MARCHF8: variants seen among roughly 807,000 people sequenced by gnomAD.
MARCHF8 encodes the protein membrane associated ring-CH-type finger 8.
Under a neutral mutation model 51.6 loss-of-function variants are expected in MARCHF8, and 40 were observed. The observed-to-expected ratio is 0.77, with a 90% CI of 0.60 to 1.01. The LOEUF is 1.01. MARCHF8 is among the 50% of genes least tolerant of loss of function. The pLI is 0.00. For synonymous variants in MARCHF8, 263 were observed against 280.3 expected, an observed-to-expected ratio of 0.94 and a Z score of 0.62; for missense variants, 685 against 708.6, an observed-to-expected ratio of 0.97 and a Z score of 0.38.
intron 2 of MARCHF8, among the ~76,000 whole-genome samples, chr10:45,525,203 A>AT (rs2043771433): frequency 6.6e-6 from 1 of 152,190 alleles, no homozygotes; most frequent in African/African-American, 2.4e-5. Context: ...CAAATACGAA[A>AT]TTGTGTTTAC....
chr10:45,576,840 C>T (rs2044495089), intron 1 of MARCHF8, among the ~76,000 whole-genome samples: 1 of 151,266 alleles, frequency 6.6e-6, no homozygotes, highest in African/African-American at 2.4e-5. Flanking sequence ...CTTAAAAGTC[C>T]CAGCTACGCA....
intron 6 of MARCHF8, chr10:45,459,680 A>G (rs1842725393): frequency 4.1e-6 from 4 of 982,940 alleles, no homozygotes; most frequent in Non-Finnish European, 4.8e-6. Context: ...TGATGATGCC[A>G]CAACACACTA....
At chr10:45,498,057 TTGAA>T (rs1437567005) in intron 2 of MARCHF8, among the ~76,000 whole-genome samples, 1 of 152,214 alleles carries the variant, frequency 6.6e-6, no homozygotes, top group East Asian at 1.9e-4. Flanking sequence ...TGGTGAAAGA[TTGAA>T]TGCTTACTCC....
chr10:45,544,641 G>A (rs1264385961), intron 1 of MARCHF8, among the ~76,000 whole-genome samples: 3 of 152,250 alleles, frequency 2.0e-5, no homozygotes, highest in South Asian at 2.1e-4. Context: ...ATACAATTCC[G>A]TTTTTATAAA....
chr10:45,533,292 G>C lies in MARCHF8; in HGVS notation c.-78-3C>G. ...CATTTTGGGCCATGGATTTCAAGCT[G>C]AGAGAAAATGAAGAGAGAATAAACA... On this transcript the variant is annotated splice_region_variant and splice_polypyrimidine_tract_variant and intron_variant, in intron 1 of 7. Coordinates refer to ENST00000453424, the MANE Select transcript of MARCHF8 (RefSeq NM_001282866.2). 1 of 1,459,844 alleles carries C rather than the reference G, an allele frequency of 6.9e-7. No homozygotes were observed. Among genetic ancestry groups the C allele is most frequent in the Non-Finnish European group, 9.0e-7 (1 of 1,105,598 alleles). The allele number at this position is 1,459,844 out of a possible 1,614,324, so 90.4% of individuals were successfully genotyped here.
intron 3 of MARCHF8, among the ~76,000 whole-genome samples, chr10:45,484,028 T>C (rs568429386): frequency 1.3e-5 from 2 of 152,278 alleles, no homozygotes; most frequent in South Asian, 4.1e-4. Context: ...CAATATATTA[T>C]ATACTTCAAA....
At chr10:45,469,462 T>C (rs1273541193) in intron 3 of MARCHF8, among the ~76,000 whole-genome samples, 2 of 152,140 alleles carry the variant, frequency 1.3e-5, no homozygotes, top group Admixed American at 6.5e-5. Context: ...TTTTTAAAAG[T>C]ACAATAAAAT....
chr10:45,525,816 G>A (rs2043782619), intron 2 of MARCHF8, among the ~76,000 whole-genome samples: 1 of 152,152 alleles, frequency 6.6e-6, no homozygotes, highest in Non-Finnish European at 1.5e-5. Context: ...AATTCCCATA[G>A]AAGGACATTC....
chr10:45,576,505 C>A lies in MARCHF8; in HGVS notation c.-79+17730G>T, dbSNP rs928791675. Reference sequence around the variant, plus strand: ...AGGAAGATGCAAGAAGTACCACCCCCTCATGGTGTTAGAATAACACTGGTA... The same window carrying A: ...AGGAAGATGCAAGAAGTACCACCCCATCATGGTGTTAGAATAACACTGGTA... On this transcript the variant is annotated intron_variant, in intron 1 of 6. Transcript: ENST00000319836. Among the ~76,000 whole-genome samples, 8 of 152,236 alleles carry A rather than the reference C, an allele frequency of 5.3e-5. No individual in the cohort carries two copies. The South Asian group carries it at 1.7e-3, about 32-fold the overall frequency.
intron 2 of MARCHF8, among the ~76,000 whole-genome samples, chr10:45,511,747 T>C (rs1278670835): frequency 2.0e-5 from 3 of 152,060 alleles, no homozygotes; most frequent in African/African-American, 7.2e-5. Context: ...TGGCGTGATC[T>C]CGGCTCGCTA....
intron 2 of MARCHF8, among the ~76,000 whole-genome samples, chr10:45,531,487 G>C (rs1320773601): frequency 6.6e-6 from 1 of 151,958 alleles, no homozygotes; most frequent in East Asian, 1.9e-4. Flanking sequence ...ATATATTCTA[G>C]GGTTTAAAAT....
At chr10:45,459,008 C>T in intron 7 of MARCHF8, 112 bp downstream of exon 7, 1 of 1,374,790 alleles carries the variant, frequency 7.3e-7, no homozygotes. Context: ...TAACTGATGT[C>T]CCTCCTCCGG....
chr10:45,594,545 C>G (rs2133456178), exon 1 of MARCHF8: 1 of 152,394 alleles, frequency 6.6e-6, no homozygotes. Context: ...CGCGCTGCCT[C>G]TCCGCGGGCT....
Position 45,458,265 on chromosome 10 carries a change from T to C in MARCHF8, c.1696A>G (p.Thr566Ala), listed in dbSNP as rs373759515. Residue 566 changes from threonine (T) to alanine (A), a missense_variant, in exon 8 of 8, where the codon ACT becomes GCT. Physicochemically the swap from Thr to Ala is moderately conservative, Grantham distance 58. Transcript: ENST00000453424. ...NSSCCTEPEDTGAEIIHV is the reference protein window; with the variant it reads ...NSSCCTEPEDAGAEIIHV The stretch of plus-strand genomic sequence containing the variant: ...CAGACGTGAATGATTTCTGCTCCAG[T>C]GTCTTCAGGCTCTGTGCAACAAGAA... 7.4e-5 allele frequency: 120 copies of C among 1,612,156 alleles called. 1 individual carries two copies. Among genetic ancestry groups the C allele is most frequent in the Middle Eastern group, 4.9e-4 (3 of 6,068 alleles).
At chr10:45,504,583 A>C (rs1194741139) in intron 2 of MARCHF8, among the ~76,000 whole-genome samples, 2 of 152,370 alleles carry the variant, frequency 1.3e-5, no homozygotes, top group South Asian at 2.1e-4. Flanking sequence ...ATTAGCACAA[A>C]GCTAGCACTG....
At chr10:45,541,431 G>C (rs1170236777) in intron 1 of MARCHF8, among the ~76,000 whole-genome samples, 7 of 152,118 alleles carry the variant, frequency 4.6e-5, no homozygotes, top group Non-Finnish European at 8.8e-5. Context: ...GGGGTGGGGG[G>C]CTAGGGGAGG....
chr10:45,533,400 C>T (rs1393126087), intron 1 of MARCHF8, 111 bp from the exon 2 acceptor site: 12 of 573,432 alleles, frequency 2.1e-5, no homozygotes, highest in East Asian at 4.2e-5. Context: ...AAATAAGTTA[C>T]GGCAACATAA....
chr10:45,463,406 T>A lies in MARCHF8; in HGVS notation c.833A>T (p.His278Leu), dbSNP rs1287755935. 1.9e-6 allele frequency: 3 copies of A among 1,550,660 alleles called. No homozygotes were observed. In the East Asian group the frequency reaches 7.3e-5, roughly 38 times the overall value. ...GLSASSLHRF[H>L]ELESCAARLH... Reference sequence around the variant, plus strand: ...GCGAGCAGCGCAGCTCTCCAGCTCATGGAACCTGTGCAGGCTGCTGGCGCT... The same window carrying A: ...GCGAGCAGCGCAGCTCTCCAGCTCAAGGAACCTGTGCAGGCTGCTGGCGCT... The change falls in exon 5 of 8, where the codon CAT (histidine) becomes CTT (leucine). Residue 278 changes from histidine to leucine, a missense_variant. By Grantham distance (99) the His-to-Leu change is moderately conservative. Transcript: ENST00000453424.
intron 1 of MARCHF8, among the ~76,000 whole-genome samples, chr10:45,566,383 T>G (rs1047334607): frequency 5.3e-5 from 8 of 152,190 alleles, no homozygotes; most frequent in African/African-American, 1.7e-4. Flanking sequence ...CTATTTTTTT[T>G]TGTACCCATT....
Sources: allele counts gnomAD v4.1 joint callset (sites outside exome capture counted in the v4.1 genomes callset), GRCh38; gene constraint gnomAD v4.1.1; transcripts MANE v1.5; gene names NCBI Gene and HGNC (gene_info 2026-07-23, HGNC 2026-07-21).